MYH14: variants seen among roughly 807,000 people sequenced by gnomAD.
The protein encoded by MYH14 is myosin heavy chain 14.
MYH14 carries 123 observed loss-of-function variants against 255.5 expected under a neutral mutation model. The ratio of observed to expected loss-of-function variants is 0.48; its 90% confidence interval spans 0.42 to 0.56. The LOEUF is 0.56. Ranked by LOEUF, MYH14 falls within the 20% of genes least tolerant of loss-of-function variation. The pLI is 0.00. For synonymous variants in MYH14, 1,095 were observed against 1,161.2 expected (o/e 0.94, Z 1.16); for missense variants, 2,423 against 2,802.3 (o/e 0.86, Z 3.06).
intron 39 of MYH14, among the ~76,000 whole-genome samples, chr19:50,300,192 G>GCTA (rs1228165582): frequency 6.6e-6 from 1 of 152,106 alleles, no homozygotes; most frequent in African/African-American, 2.4e-5. Context: ...TGACCAAGGT[G>GCTA]CTACTGACAG....
intron 39 of MYH14, among the ~76,000 whole-genome samples, chr19:50,297,489 C>CTTT (rs1568552510): frequency 3.6e-5 from 2 of 54,970 alleles, no homozygotes; most frequent in Admixed American, 5.5e-4. Flanking sequence ...GTCTCATCTC[C>CTTT]TCTTTTTTTT....
At chr19:50,290,684 C>T (rs1433540840) in intron 35 of MYH14, among the ~76,000 whole-genome samples, 4 of 152,040 alleles carry the variant, frequency 2.6e-5, no homozygotes, top group Non-Finnish European at 5.9e-5. Context: ...AGATGAGAGG[C>T]TAGAAAGGAG....
chr19:50,284,850 T>G (rs1402585439), intron 33 of MYH14: 2 of 152,076 alleles, frequency 1.3e-5, no homozygotes, highest in Non-Finnish European at 2.9e-5. Context: ...CACTGACTTG[T>G]TTTTGCATAT....
At chr19:50,300,904 C>T (rs2036457736) in intron 39 of MYH14, among the ~76,000 whole-genome samples, 1 of 151,802 alleles carries the variant, frequency 6.6e-6, no homozygotes, top group South Asian at 2.1e-4. Flanking sequence ...GGCTGTGCTC[C>T]AGCCTGGGCA....
chr19:50,268,037 C>T, intron 23 of MYH14, 124 bp from the exon 24 acceptor site: 1 of 1,259,264 alleles, frequency 7.9e-7, no homozygotes, highest in Non-Finnish European at 1.1e-6. Flanking sequence ...ACCGTGTCCT[C>T]CTGCCCCTCA....
chr19:50,271,186 C>G (rs566172721), intron 24 of MYH14, among the ~76,000 whole-genome samples: 1 of 152,084 alleles, frequency 6.6e-6, no homozygotes. Flanking sequence ...TGCCTAGAAC[C>G]GTGCCTGGCA....
intron 2 of MYH14, among the ~76,000 whole-genome samples, chr19:50,214,884 C>T (rs759317518): frequency 3.9e-5 from 6 of 152,188 alleles, no homozygotes; most frequent in Non-Finnish European, 8.8e-5. Context: ...GCATGGGCCC[C>T]GCCTCGGCCT....
chr19:50,306,950 C>A, intron 40 of MYH14, 99 bp from the exon 41 acceptor site: 1 of 871,282 alleles, frequency 1.1e-6, no homozygotes, highest in Non-Finnish European at 1.9e-6. Context: ...AGGGAAGAAG[C>A]CAATCCAAGA....
intron 12 of MYH14, among the ~76,000 whole-genome samples, chr19:50,247,963 G>A (rs1253854915): frequency 2.0e-5 from 3 of 151,140 alleles, no homozygotes; most frequent in Admixed American, 6.6e-5. Context: ...GGGAGGCTGA[G>A]ACACGAGGAT....
At chr19:50,242,892 T>C (rs1443507664) in intron 10 of MYH14, among the ~76,000 whole-genome samples, 1 of 152,164 alleles carries the variant, frequency 6.6e-6, no homozygotes, top group Non-Finnish European at 1.5e-5. Context: ...AATAGTGCCA[T>C]GTTAGTCACA....
Position 50,230,437 on chromosome 19 carries a change from G to A in MYH14, c.875-88G>A. The stretch of plus-strand genomic sequence containing the variant: ...TCCACTACACCACAGGAGAGAAGGG[G>A]GCAGCGTGGGCAGGGCAGGCTCCTG... On this transcript the variant is annotated intron_variant, in intron 8 of 42. Transcript: ENST00000642316. The surrounding 1 kb of genome is among the most constrained non-coding windows in gnomAD (Gnocchi z 4.7). The A allele has an allele frequency of 8.7e-7, 1 of 1,153,988 alleles. No homozygotes were observed. 71.5% of individuals were successfully genotyped at this position (1,153,988 alleles called of 1,614,324 possible). A position where few individuals can be genotyped will look rare whatever the true frequency, so the allele number is the denominator to read the frequency against.
intron 6 of MYH14, chr19:50,224,746 G>C: frequency 2.2e-6 from 1 of 452,314 alleles, no homozygotes; most frequent in Non-Finnish European, 4.4e-6. Flanking sequence ...ACTATTTTTT[G>C]AAGGCCTATT....
At chr19:50,214,016 T>A (rs1182136830) in intron 2 of MYH14, among the ~76,000 whole-genome samples, 1 of 152,054 alleles carries the variant, frequency 6.6e-6, no homozygotes, top group Non-Finnish European at 1.5e-5. Context: ...GTAGAGACAG[T>A]GTTTCACAAT....
At chr19:50,302,626 C>T (rs1214762243) in intron 40 of MYH14, among the ~76,000 whole-genome samples, 1 of 151,550 alleles carries the variant, frequency 6.6e-6, no homozygotes, top group Non-Finnish European at 1.5e-5. Flanking sequence ...AGATGCCAGG[C>T]ACGGTGGCTC....
chr19:50,205,171 C>A (rs2031662206), intron 1 of MYH14, among the ~76,000 whole-genome samples: 1 of 152,170 alleles, frequency 6.6e-6, no homozygotes, highest in South Asian at 2.1e-4. Flanking sequence ...TTATTAATTT[C>A]ACTGGCCGCA....
At chr19:50,225,529 C>G in intron 6 of MYH14, 56 bp from the exon 7 acceptor site, 1 of 1,428,536 alleles carries the variant, frequency 7.0e-7, no homozygotes, top group Non-Finnish European at 9.7e-7. Context: ...GCTGGGCTGG[C>G]CTGGCCTCCT....
intron 39 of MYH14, among the ~76,000 whole-genome samples, chr19:50,297,802 C>T (rs911567103): frequency 1.3e-5 from 2 of 151,970 alleles, no homozygotes; most frequent in Non-Finnish European, 2.9e-5. Context: ...GCCTGGCCCT[C>T]ATCTCCTCTT....
intron 10 of MYH14, among the ~76,000 whole-genome samples, chr19:50,240,455 T>G (rs2033846952): frequency 6.6e-6 from 1 of 152,066 alleles, no homozygotes; most frequent in South Asian, 2.1e-4. Context: ...GTGGTGAGCA[T>G]CTGTAGTCCA....
rs1405048515 is a variant in MYH14, at chr19:50,308,985, G to A, written c.5788-20G>A. 6.3e-7 allele frequency: 1 copy of A among 1,595,582 alleles called. No homozygotes were observed. The highest frequency in any genetic ancestry group is 1.7e-5 in the Admixed American group (1 of 57,488). On this transcript the variant is annotated intron_variant, in intron 41 of 42. Transcript: ENST00000642316. ...TGACAGTACCTGGAGATATAACCCA[G>A]TCCCCCTGCTTCCATCAAGCTGGAG...
Sources: allele counts gnomAD v4.1 joint callset (sites outside exome capture counted in the v4.1 genomes callset), GRCh38; gene constraint gnomAD v4.1.1; non-coding constraint Gnocchi (gnomAD v3.1); transcripts MANE v1.5; gene names NCBI Gene and HGNC (gene_info 2026-07-23, HGNC 2026-07-21).